WDR49: variants seen among roughly 807,000 people sequenced by gnomAD.
The protein encoded by WDR49 is cilia- and flagella-associated protein 337.
In WDR49, 107 loss-of-function variants were observed where a neutral mutation model predicts 119.5. The ratio of observed to expected loss-of-function variants is 0.90; its 90% CI spans 0.77 to 1.05. The LOEUF (loss-of-function observed/expected upper bound fraction) is 1.05. Ranked by LOEUF, WDR49 falls within the 50% of genes least tolerant of loss-of-function variation. The pLI is 0.00. For synonymous variants in WDR49, 425 were observed against 418.8 expected (o/e 1.01, Z -0.18); for missense variants, 1,240 against 1,220.5 (o/e 1.02, Z -0.24).
intron 11 of WDR49, among the ~76,000 whole-genome samples, chr3:167,534,992 T>C (rs929790221): frequency 5.9e-5 from 9 of 152,218 alleles, no homozygotes; most frequent in African/African-American, 1.9e-4. Context: ...TAAAAGCTAA[T>C]ATTTATGGAT....
In WDR49 at chr3:167,653,412, T is replaced by A; in HGVS notation, c.14A>T (p.Lys5Ile). The A allele has an allele frequency of 1.3e-6, 2 of 1,523,212 alleles. No individual in the cohort carries two copies. Among genetic ancestry groups the A allele is most frequent in the South Asian group, 2.4e-5 (2 of 81,798 alleles). 94.4% of individuals were successfully genotyped at this position (1,523,212 alleles called of 1,614,324 possible). MSCQ[K>I]AVLELNIGSQ... The stretch of plus-strand genomic sequence containing the variant: ...CCCTATGTTTAACTCAAGTACAGCT[T>A]TCTGGCAACTCATAATGGCTTCACC... Residue 5 changes from lysine (K) to isoleucine (I), a missense_variant, in exon 2 of 19, where the codon AAA (lysine) becomes ATA (isoleucine). Coordinates refer to ENST00000682715, the MANE Select transcript of WDR49 (RefSeq NM_001366157.1).
chr3:167,607,764 C>T (rs1716132944), intron 5 of WDR49, among the ~76,000 whole-genome samples: 1 of 152,144 alleles, frequency 6.6e-6, no homozygotes, highest in Non-Finnish European at 1.5e-5. Context: ...CAAACCAAGC[C>T]CCTAATTTAT....
chr3:167,621,778 A>C, intron 3 of WDR49, 135 bp from the exon 4 acceptor site: 1 of 833,546 alleles, frequency 1.2e-6, no homozygotes, highest in Non-Finnish European at 1.8e-6. Flanking sequence ...TACAGAAGTT[A>C]AGAACAGCGG....
chr3:167,649,053 A>G (rs1028469571), intron 2 of WDR49, among the ~76,000 whole-genome samples: 2 of 152,190 alleles, frequency 1.3e-5, no homozygotes, highest in African/African-American at 4.8e-5. Context: ...TATCAGAGAT[A>G]AGAACATCTA....
chr3:167,527,970 A>G lies in WDR49; in HGVS notation c.2454T>C (p.Thr818=). ...SSKNKITKAP[T]LIRSFQPHED... ...CATGAGGTTGGAATGATCTTATCAG[A>G]GTTGGGGCCTTGGTGATTTTGTTCT... Residue 818 remains threonine, a synonymous_variant, in exon 15 of 19, where the codon ACT becomes ACC. Transcript: ENST00000682715. The G allele has an allele frequency of 6.2e-7, 1 of 1,613,232 alleles. No individual in the cohort carries two copies. Among genetic ancestry groups the G allele is most frequent in the Non-Finnish European group, 8.5e-7 (1 of 1,179,510 alleles).
intron 5 of WDR49, 133 bp from the exon 6 acceptor site, chr3:167,604,601 AAC>A (rs1715954297): frequency 1.2e-6 from 1 of 863,364 alleles, no homozygotes; most frequent in African/African-American, 1.7e-5. Context: ...ATACTTAAAA[AAC>A]ACCTCACAAA....
In WDR49 at chr3:167,480,508, G is replaced by A. The variant is rs527600103; in HGVS notation, c.3032-1512C>T. ...ACGAAACAAAAACTTTCCACTTCCA[G>A]TGTAAACTATACTGTAGAGAGGAAG... On this transcript the variant is annotated intron_variant, in intron 18 of 18. Transcript: ENST00000682715. Among the ~76,000 whole-genome samples the A allele has an allele frequency of 1.3e-3, 197 of 152,224 alleles. 5 individuals are homozygous for A. In the South Asian group the frequency reaches 0.039, roughly 30 times the overall value.
intron 3 of WDR49, among the ~76,000 whole-genome samples, chr3:167,626,099 G>A (rs1370131125): frequency 2.0e-5 from 3 of 151,932 alleles, no homozygotes; most frequent in Admixed American, 2.0e-4. Flanking sequence ...TATTGCTATG[G>A]ATATTAAGTG....
intron 10 of WDR49, among the ~76,000 whole-genome samples, chr3:167,546,520 TG>T (rs201158572): frequency 0.011 from 1,600 of 151,954 alleles, 14 homozygotes; most frequent in Non-Finnish European, 0.016. Context: ...TTCCTGGCAC[TG>T]AAGGAGTTTA....
At chr3:167,504,728 T>C (rs998891451) in intron 17 of WDR49, among the ~76,000 whole-genome samples, 19 of 152,092 alleles carry the variant, frequency 1.2e-4, no homozygotes, top group Non-Finnish European at 2.6e-4. Flanking sequence ...AGCCTGGATA[T>C]TTGTCCCTAC....
At chr3:167,573,288 T>G (rs1358358270) in intron 8 of WDR49, among the ~76,000 whole-genome samples, 1 of 152,096 alleles carries the variant, frequency 6.6e-6, no homozygotes, top group East Asian at 1.9e-4. Context: ...GTCCAGTATT[T>G]GAATTCACAT....
At chr3:167,565,414 T>TACAC (rs1713539328) in intron 8 of WDR49, among the ~76,000 whole-genome samples, 4 of 137,460 alleles carry the variant, frequency 2.9e-5, no homozygotes, top group African/African-American at 5.6e-5. Context: ...CACACACACT[T>TACAC]ATATGTAAAA....
intron 4 of WDR49, 28 bp downstream of exon 4, chr3:167,621,439 T>C (rs1716862954): frequency 1.4e-6 from 2 of 1,476,044 alleles, no homozygotes; most frequent in African/African-American, 1.4e-5. Context: ...AAATCCATAG[T>C]ATTCAATCTT....
chr3:167,657,332 GAAATGGTCCAAAAAAGCTTC>G (rs2108352771), upstream of WDR49, among the ~76,000 whole-genome samples: 1 of 152,056 alleles, frequency 6.6e-6, no homozygotes, highest in South Asian at 2.1e-4. Context: ...ATATAAAATA[GAAATGGTCCAAAAAAGCTTC>G]CAACTTATTG....
chr3:167,486,463 C>T (rs930575526), intron 18 of WDR49, among the ~76,000 whole-genome samples: 3 of 151,942 alleles, frequency 2.0e-5, no homozygotes, highest in African/African-American at 4.8e-5. Context: ...AGGCGGCATG[C>T]TGGTTACAAA....
chr3:167,523,382 C>CTT (rs200074707), intron 15 of WDR49, among the ~76,000 whole-genome samples: 35,055 of 145,522 alleles, frequency 0.24, 4,314 homozygotes, highest in South Asian at 0.3. Context: ...GACATACATT[C>CTT]TTTTTTTTTT....
chr3:167,628,954 C>A (rs577707877), intron 2 of WDR49, among the ~76,000 whole-genome samples: 2 of 152,042 alleles, frequency 1.3e-5, no homozygotes, highest in African/African-American at 4.8e-5. Context: ...ATCTCTGAGG[C>A]TTTTAGAATT....
chr3:167,509,774 A>C (rs1751896379), intron 16 of WDR49, among the ~76,000 whole-genome samples: 1 of 152,224 alleles, frequency 6.6e-6, no homozygotes, highest in Admixed American at 6.5e-5. Flanking sequence ...TTCCCAGTTA[A>C]AATTTGTAAA....
Position 167,560,196 on chromosome 3 carries a change from G to A in WDR49, c.1542C>T (p.Ser514=). ...TCTGCCCAGTGTCTATCATCCAGAAGGAAACAGTAGACCCTGTATCAGAGC... is the reference window on the plus strand; with the variant it reads ...TCTGCCCAGTGTCTATCATCCAGAAAGAAACAGTAGACCCTGTATCAGAGC... The part of the protein sequence containing the change: ...VISSDTGSTV[S]FWMIDTGQKI... The change falls in exon 9 of 19, where the codon TCC becomes TCT. Residue 514 remains serine (S), a synonymous_variant. Coordinates refer to ENST00000682715, the MANE Select transcript of WDR49 (RefSeq NM_001366157.1). 1 of 1,614,060 alleles carries A rather than the reference G, an allele frequency of 6.2e-7. No individual in the cohort carries two copies. The highest frequency in any genetic ancestry group is 8.5e-7 in the Non-Finnish European group (1 of 1,179,990).
Sources: allele counts gnomAD v4.1 joint callset (sites outside exome capture counted in the v4.1 genomes callset), GRCh38; gene constraint gnomAD v4.1.1; transcripts MANE v1.5; gene names NCBI Gene and HGNC (gene_info 2026-07-23, HGNC 2026-07-21).